The following ERC1 variants were observed in gnomAD, a reference collection of about 807,000 sequenced individuals.
ERC1 encodes RAB6 interacting protein 2.
Under a neutral mutation model 132.0 loss-of-function variants are expected in ERC1, and 56 were observed. The ratio of observed to expected loss-of-function variants is 0.42; its 90% CI spans 0.34 to 0.53. ERC1 has a LOEUF of 0.53. ERC1 is among the 20% of genes least tolerant of loss of function. The pLI is 0.03. For synonymous variants in ERC1, 478 were observed against 476.1 expected (o/e 1.00, Z -0.05); for missense variants, 1,202 against 1,349.9 (o/e 0.89, Z 1.72).
chr12:1,274,474 A>G (rs1222676300), intron 14 of ERC1, among the ~76,000 whole-genome samples: 2 of 145,306 alleles, frequency 1.4e-5, no homozygotes, highest in African/African-American at 5.5e-5. Context: ...ATTTTATTTT[A>G]TTTTATTTTA....
intron 15 of ERC1, among the ~76,000 whole-genome samples, chr12:1,363,619 A>G (rs1336671162): frequency 7.4e-6 from 1 of 135,686 alleles, no homozygotes; most frequent in Non-Finnish European, 1.5e-5. Context: ...ATGTGGTGCC[A>G]TCACGGCTCA....
intron 16 of ERC1, among the ~76,000 whole-genome samples, chr12:1,406,497 A>G (rs1390575363): frequency 6.6e-6 from 1 of 152,232 alleles, no homozygotes; most frequent in East Asian, 1.9e-4. Context: ...GAAAAAGTAG[A>G]ATAAATCAGA....
At chr12:1,220,296 A>G (rs2154294948) in intron 12 of ERC1, among the ~76,000 whole-genome samples, 1 of 152,282 alleles carries the variant, frequency 6.6e-6, no homozygotes, top group Middle Eastern at 3.4e-3. Context: ...TTTAAAAATA[A>G]GTTCAATATG....
chr12:1,420,451 T>G (rs2092378079), intron 17 of ERC1, among the ~76,000 whole-genome samples: 1 of 150,512 alleles, frequency 6.6e-6, no homozygotes, highest in Non-Finnish European at 1.5e-5. Flanking sequence ...TTTATTTTAT[T>G]TATTTATTTG....
At chr12:1,394,046 C>CAAAAAAAAAAAAAAAAAAAAAA (rs1555389413) in intron 16 of ERC1, among the ~76,000 whole-genome samples, 1 of 70,808 alleles carries the variant, frequency 1.4e-5, no homozygotes, top group African/African-American at 5.0e-5. Context: ...AAAAAAAAAC[C>CAAAAAAAAAAAAAAAAAAAAAA]ACAAAGCATT....
intron 11 of ERC1, among the ~76,000 whole-genome samples, chr12:1,188,166 C>T (rs1364561129): frequency 3.9e-5 from 6 of 152,182 alleles, no homozygotes; most frequent in African/African-American, 1.4e-4. Context: ...GCCCCTACAT[C>T]AAGCTGCCTC....
intron 12 of ERC1, among the ~76,000 whole-genome samples, chr12:1,198,506 GT>G: frequency 6.6e-6 from 1 of 152,298 alleles, no homozygotes; most frequent in Middle Eastern, 3.4e-3. Flanking sequence ...CTTGTGAGTA[GT>G]TATGATGGAG....
rs56939346 is a variant in ERC1 at position 1,493,548 on chromosome 12, A to AAAATATATATATATAT, written c.*3319_*3320insAATATATATATATATA. The AAAATATATATATATAT allele has an allele frequency of 9.5e-4, 13 of 13,614 alleles. No homozygotes were observed. The highest frequency in any genetic ancestry group is 1.0e-3 in the Admixed American group (1 of 974). 0.8% of individuals were successfully genotyped at this position (13,614 alleles called of 1,614,324 possible). The stretch of plus-strand genomic sequence containing the variant: ...ACTCCATTTAAAAAAAAAAAAAAAA[A>AAAATATATATATATAT]ATATATATATATATATATATATATA... On this transcript the variant is annotated 3_prime_UTR_variant, in exon 19 of 19. Transcript: ENST00000360905.
chr12:1,205,393 ATATC>A (rs953456556), intron 12 of ERC1, among the ~76,000 whole-genome samples: 6 of 146,110 alleles, frequency 4.1e-5, no homozygotes, highest in African/African-American at 7.5e-5. Flanking sequence ...ATATATATAT[ATATC>A]TGTGTGTGTG....
intron 15 of ERC1, among the ~76,000 whole-genome samples, chr12:1,344,077 G>A (rs1430865018): frequency 1.3e-5 from 2 of 152,064 alleles, no homozygotes; most frequent in African/African-American, 2.4e-5. Flanking sequence ...TCCTGACCTC[G>A]TGATCCCCCC....
chr12:1,301,738 G>A (rs911353623), intron 15 of ERC1, among the ~76,000 whole-genome samples: 2 of 152,014 alleles, frequency 1.3e-5, no homozygotes, highest in African/African-American at 2.4e-5. Flanking sequence ...ATACCTGAGC[G>A]ATGAAATAGT....
chr12:1,065,599 G>T (rs75994735), intron 2 of ERC1, among the ~76,000 whole-genome samples: 7 of 5,754 alleles, frequency 1.2e-3, no homozygotes, highest in East Asian at 0.014. Flanking sequence ...TTTTTGGGGC[G>T]GGGGGGGACG....
intron 15 of ERC1, among the ~76,000 whole-genome samples, chr12:1,339,741 G>A (rs2083648694): frequency 6.6e-6 from 1 of 152,162 alleles, no homozygotes; most frequent in Non-Finnish European, 1.5e-5. Flanking sequence ...GTGGGTTACT[G>A]GTGGGGACAG....
intron 15 of ERC1, among the ~76,000 whole-genome samples, chr12:1,318,828 CT>C (rs1343572969): frequency 6.6e-6 from 1 of 151,984 alleles, no homozygotes; most frequent in African/African-American, 2.4e-5. Flanking sequence ...GTGTGGGTCT[CT>C]CGGTGAGGCC....
intron 12 of ERC1, among the ~76,000 whole-genome samples, chr12:1,232,744 T>C (rs138598783): frequency 9.3e-4 from 142 of 152,278 alleles, no homozygotes; most frequent in African/African-American, 3.3e-3. Flanking sequence ...GTTTCTGGGT[T>C]CTCTTGAGTC....
At chr12:1,004,311 C>A (rs74957201) in intron 1 of ERC1, among the ~76,000 whole-genome samples, 294 of 151,754 alleles carry the variant, frequency 1.9e-3, no homozygotes, top group African/African-American at 6.9e-3. Flanking sequence ...TTGGATGCTT[C>A]CCCCCCTTTC....
intron 1 of ERC1, among the ~76,000 whole-genome samples, chr12:1,014,627 A>G (rs1476057257): frequency 6.6e-6 from 1 of 152,214 alleles, no homozygotes; most frequent in Admixed American, 6.5e-5. Flanking sequence ...ACATACGTGT[A>G]TATATCCTTT....
intron 13 of ERC1, among the ~76,000 whole-genome samples, chr12:1,260,406 A>C (rs2077069280): frequency 6.6e-6 from 1 of 152,210 alleles, no homozygotes; most frequent in South Asian, 2.1e-4. Context: ...TATTCATATT[A>C]TCATCTAAGC....
chr12:1,143,305 C>T (rs1433301646), intron 8 of ERC1, among the ~76,000 whole-genome samples: 7 of 148,742 alleles, frequency 4.7e-5, no homozygotes, highest in Non-Finnish European at 8.9e-5. Flanking sequence ...GGCCACTGCT[C>T]CTAGCTCTGT....
Sources: allele counts gnomAD v4.1 joint callset (sites outside exome capture counted in the v4.1 genomes callset), GRCh38; gene constraint gnomAD v4.1.1; transcripts MANE v1.5; gene names NCBI Gene and HGNC (gene_info 2026-07-23, HGNC 2026-07-21).